ROBO2: variants seen among roughly 807,000 people sequenced by gnomAD.
ROBO2 encodes the protein roundabout guidance receptor 2, also known as roundabout homolog 2.
In ROBO2, 53 loss-of-function variants were observed where a neutral mutation model predicts 160.8. The observed-to-expected ratio is 0.33, with a 90% CI of 0.26 to 0.41. The LOEUF is 0.41. Ranked by LOEUF, ROBO2 falls within the 10% of genes least tolerant of loss-of-function variation. ROBO2 has a pLI of 1.00. For synonymous variants in ROBO2, 664 were observed against 611.7 expected (o/e 1.09, Z -1.26); for missense variants, 1,577 against 1,722.4 (o/e 0.92, Z 1.49).
rs542121832 is a variant in ROBO2, at chr3:77,209,580, C to A, written c.388+111240C>A. Among the ~76,000 whole-genome samples the A allele has an allele frequency of 1.1e-3, 169 of 152,200 alleles. 2 individuals carry two copies. The highest frequency in any genetic ancestry group is 3.4e-3 in the Middle Eastern group (1 of 294). On this transcript the variant is annotated intron_variant, in intron 2 of 25. Transcript: ENST00000461745. ...GGTAGAACCAGTGGGCCGATTATAACGTGGGTATGCCATATTGACAACCGA... is the reference window on the plus strand; with the variant it reads ...GGTAGAACCAGTGGGCCGATTATAAAGTGGGTATGCCATATTGACAACCGA...
chr3:77,565,596 T>G (rs1208413269), intron 12 of ROBO2, among the ~76,000 whole-genome samples: 1 of 152,108 alleles, frequency 6.6e-6, no homozygotes, highest in African/African-American at 2.4e-5. Context: ...ACACACATTT[T>G]CAGGCTCAAA....
intron 16 of ROBO2, among the ~76,000 whole-genome samples, chr3:77,582,900 A>C (rs1011980300): frequency 2.0e-5 from 3 of 151,856 alleles, no homozygotes; most frequent in Non-Finnish European, 2.9e-5. Context: ...TAGCACTTTG[A>C]GGGGCTGAGG....
At chr3:77,445,435 C>T (rs146637787) in intron 2 of ROBO2, among the ~76,000 whole-genome samples, 1 of 152,134 alleles carries the variant, frequency 6.6e-6, no homozygotes, top group African/African-American at 2.4e-5. Flanking sequence ...CCCTACTTCC[C>T]TCTCCCAGTG....
At chr3:77,060,159 A>G (rs2066155030) in intron 1 of ROBO2, among the ~76,000 whole-genome samples, 1 of 152,180 alleles carries the variant, frequency 6.6e-6, no homozygotes, top group South Asian at 2.1e-4. Context: ...CCTGGTTTGC[A>G]GTTTGAGTGT....
chr3:77,256,532 C>CA (rs76656757), intron 2 of ROBO2, among the ~76,000 whole-genome samples: 18 of 151,096 alleles, frequency 1.2e-4, no homozygotes, highest in Non-Finnish European at 2.2e-4. Flanking sequence ...AAACTATAAA[C>CA]AAAAAAAAAT....
chr3:77,626,025 A>C (rs1164335773), intron 23 of ROBO2, among the ~76,000 whole-genome samples: 1 of 152,172 alleles, frequency 6.6e-6, no homozygotes, highest in Non-Finnish European at 1.5e-5. Flanking sequence ...TTCAAAATCA[A>C]TCAGTCTTAC....
At chr3:77,386,706 G>A (rs1318456399) in intron 2 of ROBO2, among the ~76,000 whole-genome samples, 1 of 145,668 alleles carries the variant, frequency 6.9e-6, no homozygotes, top group Admixed American at 7.3e-5. Flanking sequence ...AGGTTAAAGT[G>A]ATTCTCGTGC....
chr3:76,731,585 A>T (rs183332229), intron 2 of ROBO2, among the ~76,000 whole-genome samples: 1 of 152,270 alleles, frequency 6.6e-6, no homozygotes, highest in Admixed American at 6.5e-5. Flanking sequence ...AGATTGAAAT[A>T]ATTTTCCTAT....
intron 2 of ROBO2, among the ~76,000 whole-genome samples, chr3:76,255,447 G>T (rs970825894): frequency 1.3e-5 from 2 of 151,798 alleles, no homozygotes; most frequent in African/African-American, 4.8e-5. Flanking sequence ...GCTCTTTTTC[G>T]CCAAGAGCCT....
At chr3:77,363,966 G>A (rs2070449491) in intron 2 of ROBO2, among the ~76,000 whole-genome samples, 1 of 152,130 alleles carries the variant, frequency 6.6e-6, no homozygotes, top group African/African-American at 2.4e-5. Context: ...TTAGTTCAAA[G>A]TCCTTGGGAT....
intron 2 of ROBO2, among the ~76,000 whole-genome samples, chr3:77,356,234 C>A (rs2069101835): frequency 6.6e-6 from 1 of 152,082 alleles, no homozygotes; most frequent in East Asian, 1.9e-4. Flanking sequence ...ATGGAAAGTT[C>A]TATGTTAAAT....
chr3:76,557,329 T>C (rs571909862), intron 2 of ROBO2, among the ~76,000 whole-genome samples: 2 of 152,164 alleles, frequency 1.3e-5, no homozygotes, highest in African/African-American at 4.8e-5. Flanking sequence ...AAAGATTGCA[T>C]CTAAAAATTG....
Position 76,390,000 on chromosome 3 carries a change from C to T in ROBO2, c.109+452398C>T, listed in dbSNP as rs377205182. On this transcript the variant is annotated intron_variant, in intron 2 of 26. Coordinates refer to the ROBO2 transcript ENST00000487694. The stretch of plus-strand genomic sequence containing the variant: ...ATTCTTCACTAGAGCTCAAATGTCC[C>T]GTGTGAGGTTAGCAAATTTCTGCCA... Among the ~76,000 whole-genome samples, 19 of 152,152 alleles carry T rather than the reference C, an allele frequency of 1.2e-4. No individual in the cohort carries two copies. The East Asian group carries it at 3.1e-3, about 25-fold the overall frequency.
At chr3:76,945,175 T>C (rs1427319146) in intron 2 of ROBO2, among the ~76,000 whole-genome samples, 2 of 152,080 alleles carry the variant, frequency 1.3e-5, no homozygotes, top group East Asian at 1.9e-4. Flanking sequence ...CAGCAGAATA[T>C]GGTAGAAGAG....
At chr3:77,040,131 C>G in exon 1 of ROBO2, 5 of 985,044 alleles carry the variant, frequency 5.1e-6, no homozygotes, top group Non-Finnish European at 6.0e-6. Context: ...CCGAATCGTC[C>G]TGATTTCCCT....
At chr3:75,952,547 T>C (rs1223582102) in intron 2 of ROBO2, among the ~76,000 whole-genome samples, 3 of 152,004 alleles carry the variant, frequency 2.0e-5, no homozygotes, top group Non-Finnish European at 4.4e-5. Context: ...CATGTCATCC[T>C]CAGCCTCTAC....
intron 2 of ROBO2, among the ~76,000 whole-genome samples, chr3:76,060,148 A>G (rs770206205): frequency 2.6e-5 from 4 of 152,104 alleles, no homozygotes; most frequent in Non-Finnish European, 5.9e-5. Flanking sequence ...GTATTTGATT[A>G]TCATCACTGA....
chr3:76,561,725 A>G (rs1398344471), intron 2 of ROBO2, among the ~76,000 whole-genome samples: 1 of 152,162 alleles, frequency 6.6e-6, no homozygotes, highest in East Asian at 1.9e-4. Context: ...CATGATTTAC[A>G]TTCAAAATTT....
intron 2 of ROBO2, among the ~76,000 whole-genome samples, chr3:77,151,091 T>C (rs1444142786): frequency 6.6e-6 from 1 of 152,154 alleles, no homozygotes; most frequent in African/African-American, 2.4e-5. Context: ...GGTACTCAAA[T>C]GTAGACCTAG....
Sources: allele counts gnomAD v4.1 joint callset (sites outside exome capture counted in the v4.1 genomes callset), GRCh38; gene constraint gnomAD v4.1.1; transcripts MANE v1.5; gene names NCBI Gene and HGNC (gene_info 2026-07-23, HGNC 2026-07-21).